CDH22: variants seen among roughly 807,000 people sequenced by gnomAD.
CDH22 encodes the protein cadherin 22.
CDH22 carries 30 observed loss-of-function variants against 58.4 expected under a neutral mutation model. The ratio of observed to expected loss-of-function variants is 0.51; its 90% CI spans 0.38 to 0.70. The LOEUF is 0.70. Ranked by LOEUF, CDH22 falls within the 30% of genes least tolerant of loss-of-function variation. The pLI is 0.00. For missense variants in CDH22, 1,014 were observed against 1,233.9 expected, an observed-to-expected ratio of 0.82 and a Z score of 2.67; for synonymous variants, 513 against 558.2, an observed-to-expected ratio of 0.92 and a Z score of 1.14.
chr20:46,224,442 A>T (rs1006893842), intron 4 of CDH22, among the ~76,000 whole-genome samples: 5 of 152,204 alleles, frequency 3.3e-5, no homozygotes, highest in African/African-American at 4.8e-5. Flanking sequence ...CCCTGTGCAC[A>T]TGGGGAAACT....
chr20:46,285,270 G>A (rs1044066669), intron 1 of CDH22, among the ~76,000 whole-genome samples: 1 of 152,182 alleles, frequency 6.6e-6, no homozygotes, highest in African/African-American at 2.4e-5. Flanking sequence ...TTGTGAAAAT[G>A]TCAACATGAC....
At chr20:46,194,381 C>T (rs963068324) in intron 8 of CDH22, among the ~76,000 whole-genome samples, 7 of 152,214 alleles carry the variant, frequency 4.6e-5, no homozygotes, top group African/African-American at 1.7e-4. Context: ...CATCCCTGTC[C>T]CTTTCTCCAG....
intron 8 of CDH22, among the ~76,000 whole-genome samples, chr20:46,191,927 T>A (rs1431523948): frequency 2.6e-5 from 4 of 152,144 alleles, no homozygotes; most frequent in African/African-American, 9.7e-5. Context: ...GCCTCGTTGC[T>A]ACCCCTCCCT....
intron 1 of CDH22, among the ~76,000 whole-genome samples, chr20:46,261,940 G>T (rs189142963): frequency 6.6e-6 from 1 of 152,064 alleles, no homozygotes; most frequent in Non-Finnish European, 1.5e-5. Context: ...CTGCCTTAGC[G>T]TGCCTGCAAC....
chr20:46,290,649 C>T lies in CDH22; in HGVS notation c.-400+17606G>A, dbSNP rs527822963. 3.3e-5 allele frequency among the ~76,000 whole-genome samples: 5 copies of T among 152,246 alleles called. No homozygotes were observed. In the East Asian group the frequency reaches 9.7e-4, roughly 29 times the overall value. ...CCCTCCTCCTGGATGGAGCTGCTGA[C>T]AGCTAACTCTGGCTCTGGCAGACTC... is the stretch of plus-strand genomic sequence containing the variant. On this transcript the variant is annotated intron_variant, in intron 1 of 11. Transcript: ENST00000537909.
rs1312328413 is a variant in CDH22 at position 46,281,774 on chromosome 20, AC to A, written c.-400+26480del. On this transcript the variant is annotated intron_variant, in intron 1 of 11. Coordinates refer to ENST00000537909, the MANE Select transcript of CDH22 (RefSeq NM_021248.3). ...TCAGGATAATATCACAGATGCCCAG[AC>A]CTTCAGATTCAAGGGAAAGGCAGGA... Among the ~76,000 whole-genome samples the A allele has an allele frequency of 2.0e-5, 3 of 152,258 alleles. No individual in the cohort carries two copies. In the East Asian group the frequency reaches 5.8e-4, roughly 29 times the overall value.
intron 8 of CDH22, among the ~76,000 whole-genome samples, chr20:46,188,122 G>A (rs1429145492): frequency 1.3e-5 from 2 of 152,168 alleles, no homozygotes; most frequent in Non-Finnish European, 2.9e-5. Context: ...ATTAATATTT[G>A]CTGAATGAAT....
rs994129535 is a variant in CDH22 at position 46,216,410 on chromosome 20, T to C, written c.838+416A>G. Among the ~76,000 whole-genome samples the C allele has an allele frequency of 2.0e-5, 3 of 152,224 alleles. No homozygotes were observed. Among genetic ancestry groups the C allele is most frequent in the Non-Finnish European group, 4.4e-5 (3 of 68,032 alleles). On this transcript the variant is annotated intron_variant, in intron 5 of 11. Transcript: ENST00000537909. This position sits in a 1 kb window ranked among gnomAD's most constrained non-coding sequence, Gnocchi z 5.3. ...AGCTGCCTCTGCCTAGATCCCTGGG[T>C]GCCCCCTTTCTCCCCAGTACCTTCC...
At chr20:46,211,328 G>C (rs1399756679) in intron 6 of CDH22, among the ~76,000 whole-genome samples, 1 of 152,194 alleles carries the variant, frequency 6.6e-6, no homozygotes, top group Non-Finnish European at 1.5e-5. Flanking sequence ...CCTTCCAGGA[G>C]ACTCACAGGC....
chr20:46,178,079 C>A lies in CDH22; in HGVS notation c.1782G>T (p.Thr594=). Residue 594 remains threonine (T), a synonymous_variant, in exon 11 of 12, where the codon ACG becomes ACT. Coordinates refer to ENST00000537909, the MANE Select transcript of CDH22 (RefSeq NM_021248.3). ...CGCAGCCACAGATGCGGATGGTGAG[C>A]GTGCCTGTGCTGCTCAGTGTGGGCG... ...SGPPTLSSTG[T]LTIRICGCDS... is the part of the protein sequence containing the mutation. 1 of 1,614,038 alleles carries A rather than the reference C, an allele frequency of 6.2e-7. No homozygotes were observed. The highest frequency in any genetic ancestry group is 8.5e-7 in the Non-Finnish European group (1 of 1,179,996).
At chr20:46,236,613 ATAT>A (rs1391609876) in intron 3 of CDH22, among the ~76,000 whole-genome samples, 1 of 143,074 alleles carries the variant, frequency 7.0e-6, no homozygotes, top group African/African-American at 2.6e-5. Flanking sequence ...ATATAGATAT[ATAT>A]TAATATCTAT....
Position 46,216,916 on chromosome 20 carries a change from T to C in CDH22, c.748A>G (p.Met250Val). ...RYEVVIQATD[M>V]AGQLGGLSGS... ...GAGAGGCCACCCAGCTGACCCGCCA[T>C]GTCTGTGGCCTGGATCACCACCTCG... Residue 250 changes from methionine to valine, a missense_variant, in exon 5 of 12, where the codon ATG (methionine) becomes GTG (valine). Physicochemically the swap from Met to Val is conservative, Grantham distance 21. Transcript: ENST00000537909. The surrounding 1 kb of genome is among the most constrained non-coding windows in gnomAD (Gnocchi z 5.3). The C allele has an allele frequency of 1.2e-6, 2 of 1,611,288 alleles. No individual in the cohort carries two copies. The highest frequency in any genetic ancestry group is 1.7e-6 in the Non-Finnish European group (2 of 1,177,712).
At chr20:46,271,614 G>A (rs1010149340) in intron 1 of CDH22, among the ~76,000 whole-genome samples, 1 of 151,978 alleles carries the variant, frequency 6.6e-6, no homozygotes, top group South Asian at 2.1e-4. Flanking sequence ...GCTTACTAAG[G>A]TCACCTTGAC....
chr20:46,174,443 G>T lies in CDH22; in HGVS notation c.*63C>A. Reference sequence around the variant, plus strand: ...AGGGGGTCCGCGGGGGAAACGCGTTGTCCTGGGGCCCCGGCGTGTGCTGGG... The same window carrying T: ...AGGGGGTCCGCGGGGGAAACGCGTTTTCCTGGGGCCCCGGCGTGTGCTGGG... On this transcript the variant is annotated 3_prime_UTR_variant, in exon 12 of 12. Transcript: ENST00000537909. This position sits in a 1 kb window ranked among gnomAD's most constrained non-coding sequence, Gnocchi z 4.4. The T allele has an allele frequency of 1.7e-6, 2 of 1,197,752 alleles. No individual in the cohort carries two copies. The highest frequency in any genetic ancestry group is 1.6e-5 in the African/African-American group (1 of 61,878). The allele number at this position is 1,197,752 out of a possible 1,614,324, so 74.2% of individuals were successfully genotyped here. A position where few individuals can be genotyped will look rare whatever the true frequency, so the allele number is the denominator to read the frequency against.
At chr20:46,303,535 T>C (rs1853602641) in intron 1 of CDH22, among the ~76,000 whole-genome samples, 1 of 152,216 alleles carries the variant, frequency 6.6e-6, no homozygotes, top group African/African-American at 2.4e-5. Context: ...TATATGTAAA[T>C]ATATGTAAAT....
In CDH22 at chr20:46,183,782, TGTGA is replaced by T. The variant is rs574127052; in HGVS notation, c.1663+2802_1663+2805del. Among the ~76,000 whole-genome samples the T allele has an allele frequency of 4.3e-3, 650 of 152,018 alleles. 6 individuals carry two copies. The highest frequency in any genetic ancestry group is 0.015 in the African/African-American group (605 of 41,442). On this transcript the variant is annotated intron_variant, in intron 10 of 11. Coordinates refer to ENST00000537909, the MANE Select transcript of CDH22 (RefSeq NM_021248.3). Reference sequence around the variant, plus strand: ...GAGGCCACTAAGGCTCCGCATTGGGTGTGAGTGTGTAAAGGCCTTGAGAAGGATC... The same window carrying T: ...GAGGCCACTAAGGCTCCGCATTGGGTGTGTGTAAAGGCCTTGAGAAGGATC...
chr20:46,307,021 C>CAA (rs1406517878), intron 1 of CDH22, among the ~76,000 whole-genome samples: 1 of 152,174 alleles, frequency 6.6e-6, no homozygotes, highest in East Asian at 1.9e-4. Context: ...TGGCAACAGC[C>CAA]AAAGCCCTCA....
rs2086292409 is a variant in CDH22, at chr20:46,241,885, G to A, written c.256-628C>T. ...TAAAATGCAGATTCTGACTCAGTAG[G>A]TCTGGGGCCAGGCCTCAGACTTTGC... is the stretch of plus-strand genomic sequence containing the variant. On this transcript the variant is annotated intron_variant, in intron 2 of 11. Coordinates refer to ENST00000537909, the MANE Select transcript of CDH22 (RefSeq NM_021248.3). The surrounding 1 kb of genome is among the most constrained non-coding windows in gnomAD (Gnocchi z 5.2). 6.6e-6 allele frequency among the ~76,000 whole-genome samples: 1 copy of A among 152,140 alleles called. No individual in the cohort carries two copies. Among genetic ancestry groups the A allele is most frequent in the Non-Finnish European group, 1.5e-5 (1 of 68,016 alleles).
At chr20:46,287,367 G>A (rs988800080) in intron 1 of CDH22, among the ~76,000 whole-genome samples, 3 of 152,150 alleles carry the variant, frequency 2.0e-5, no homozygotes, top group Non-Finnish European at 2.9e-5. Flanking sequence ...TAAAACATGC[G>A]ATGATGACTA....
Sources: allele counts gnomAD v4.1 joint callset (sites outside exome capture counted in the v4.1 genomes callset), GRCh38; gene constraint gnomAD v4.1.1; non-coding constraint Gnocchi (gnomAD v3.1); transcripts MANE v1.5; gene names NCBI Gene and HGNC (gene_info 2026-07-23, HGNC 2026-07-21).